Variants in SAMD12 observed in about 807,000 individuals in gnomAD.
The protein encoded by SAMD12 is sterile alpha motif domain-containing protein 12.
SAMD12 carries 9 observed loss-of-function variants against 15.0 expected under a neutral mutation model. The ratio of observed to expected loss-of-function variants is 0.60; its 90% confidence interval spans 0.36 to 1.05. SAMD12 has a LOEUF of 1.05. SAMD12 is among the 50% of genes least tolerant of loss of function. SAMD12 has a pLI of 0.01. For synonymous variants in SAMD12, 86 were observed against 90.1 expected, an observed-to-expected ratio of 0.96 and a Z score of 0.25; for missense variants, 230 against 234.2, an observed-to-expected ratio of 0.98 and a Z score of 0.12.
intron 4 of SAMD12, among the ~76,000 whole-genome samples, chr8:118,230,573 G>C (rs1027526845): frequency 6.6e-6 from 1 of 152,062 alleles, no homozygotes; most frequent in Non-Finnish European, 1.5e-5. Context: ...GACCTATAGG[G>C]ACAGAAGGAC....
At chr8:118,372,050 C>A (rs1819130731) in intron 4 of SAMD12, among the ~76,000 whole-genome samples, 1 of 152,146 alleles carries the variant, frequency 6.6e-6, no homozygotes, top group Non-Finnish European at 1.5e-5. Flanking sequence ...AGATTTGTAA[C>A]ACCAAAGCCT....
intron 3 of SAMD12, among the ~76,000 whole-genome samples, chr8:118,408,144 A>G (rs913251542): frequency 1.3e-5 from 2 of 152,102 alleles, no homozygotes; most frequent in African/African-American, 4.8e-5. Flanking sequence ...CCAGTCCTAC[A>G]CTTAACTCCA....
rs530763181 is a variant in SAMD12 at position 118,313,573 on chromosome 8, G to C, written c.433+65987C>G. 2.0e-5 allele frequency among the ~76,000 whole-genome samples: 3 copies of C among 152,106 alleles called. No individual in the cohort carries two copies. In the South Asian group the frequency reaches 6.2e-4, roughly 31 times the overall value. The stretch of plus-strand genomic sequence containing the variant: ...AAAGAATTCTTTCTGTCTATAGAAA[G>C]CATGCTATATTGGGACCTTTCGGTA... On this transcript the variant is annotated intron_variant, in intron 4 of 4. Transcript: ENST00000409003.
At chr8:118,556,424 A>G (rs1302461079) in intron 2 of SAMD12, among the ~76,000 whole-genome samples, 1 of 152,208 alleles carries the variant, frequency 6.6e-6, no homozygotes, top group East Asian at 1.9e-4. Context: ...TTTTGTATAT[A>G]TCACTTATGA....
intron 1 of SAMD12, among the ~76,000 whole-genome samples, chr8:118,582,252 A>T (rs1243148549): frequency 6.6e-6 from 1 of 152,192 alleles, no homozygotes; most frequent in African/African-American, 2.4e-5. Flanking sequence ...CACCTTTCTT[A>T]TGAATGTCAG....
chr8:118,267,731 G>A (rs920396352), intron 4 of SAMD12, among the ~76,000 whole-genome samples: 1 of 150,478 alleles, frequency 6.6e-6, no homozygotes, highest in African/African-American at 2.5e-5. Flanking sequence ...GTGTGTGTGT[G>A]TGTATTTAAA....
rs564121823 is a variant in SAMD12, at chr8:118,425,039, C to A, written c.322+14793G>T. On this transcript the variant is annotated intron_variant, in intron 3 of 3. Transcript: ENST00000314727. The stretch of plus-strand genomic sequence containing the variant: ...TTGCAAGCTCTGCCTCCTGGGTTCA[C>A]GCTATTCTCCTGCCTCAGCCTCCTG... Among the ~76,000 whole-genome samples the A allele has an allele frequency of 2.6e-4, 40 of 151,362 alleles. 1 individual carries two copies. The South Asian group carries it at 8.2e-3, about 31-fold the overall frequency.
chr8:118,145,065 T>A, the SAMD12 span, among the ~76,000 whole-genome samples: 1 of 152,264 alleles, frequency 6.6e-6, no homozygotes, highest in African/African-American at 2.4e-5. Flanking sequence ...AGGCTTTTAA[T>A]GCTTTTGGAT....
chr8:118,209,682 G>T (rs761315938), intron 4 of SAMD12, among the ~76,000 whole-genome samples: 5 of 152,196 alleles, frequency 3.3e-5, no homozygotes, highest in African/African-American at 9.7e-5. Context: ...GAGATTTTAG[G>T]TAATAGAGCC....
chr8:118,331,258 G>C (rs1816794553), intron 4 of SAMD12, among the ~76,000 whole-genome samples: 2 of 152,120 alleles, frequency 1.3e-5, no homozygotes, highest in South Asian at 4.1e-4. Flanking sequence ...AGATGCACCA[G>C]GGGAAGCAGA....
intron 4 of SAMD12, among the ~76,000 whole-genome samples, chr8:118,336,664 C>T (rs1210390231): frequency 1.3e-5 from 2 of 152,192 alleles, no homozygotes; most frequent in African/African-American, 2.4e-5. Flanking sequence ...TCCTACTTCT[C>T]CACATCCTCT....
intron 4 of SAMD12, among the ~76,000 whole-genome samples, chr8:118,347,937 C>T (rs189834914): frequency 6.6e-6 from 1 of 152,294 alleles, no homozygotes; most frequent in Admixed American, 6.5e-5. Flanking sequence ...ATCTGACTGC[C>T]GGGGCTAGTT....
At chr8:118,576,845 T>A (rs1332456416) in intron 2 of SAMD12, among the ~76,000 whole-genome samples, 1 of 152,216 alleles carries the variant, frequency 6.6e-6, no homozygotes, top group Non-Finnish European at 1.5e-5. Context: ...ATCTGGACTC[T>A]CAACTTGGCA....
chr8:118,473,165 T>C (rs570637181), intron 2 of SAMD12, among the ~76,000 whole-genome samples: 13 of 152,240 alleles, frequency 8.5e-5, no homozygotes, highest in African/African-American at 2.9e-4. Context: ...CCAGCTTCTG[T>C]CCTCTACTAG....
chr8:118,619,706 G>A (rs1384169466), intron 1 of SAMD12, among the ~76,000 whole-genome samples: 1 of 152,120 alleles, frequency 6.6e-6, no homozygotes, highest in African/African-American at 2.4e-5. Context: ...GGGGGTTAGA[G>A]TCTAGTAAGA....
intron 4 of SAMD12, chr8:118,282,412 C>T (rs576131458): frequency 2.2e-6 from 1 of 453,494 alleles, no homozygotes; most frequent in Non-Finnish European, 4.4e-6. Context: ...CTGCCTATTC[C>T]TTCTGCAGTC....
At chr8:118,244,304 T>TA (rs1405181635) in intron 4 of SAMD12, among the ~76,000 whole-genome samples, 2 of 152,128 alleles carry the variant, frequency 1.3e-5, no homozygotes, top group African/African-American at 4.8e-5. Context: ...TTCACACAGT[T>TA]AGTAAGGAGC....
At chr8:118,528,977 AAAAAG>A (rs1414568196) in intron 2 of SAMD12, among the ~76,000 whole-genome samples, 9 of 152,210 alleles carry the variant, frequency 5.9e-5, no homozygotes. Flanking sequence ...AGAGGAAGAA[AAAAAG>A]AAGAGATTCA....
the SAMD12 span, among the ~76,000 whole-genome samples, chr8:118,181,983 T>G: frequency 6.6e-6 from 1 of 152,212 alleles, no homozygotes; most frequent in African/African-American, 2.4e-5. Context: ...TTTGATGAGC[T>G]CATAAACTGA....
Sources: gnomAD v4.1 joint callset for allele counts (sites outside exome capture counted in the v4.1 genomes callset) on GRCh38, gnomAD v4.1.1 for gene constraint, MANE v1.5 for transcripts, NCBI Gene and HGNC (gene_info 2026-07-23, HGNC 2026-07-21) for gene names.